Variants in LHFPL3 observed in about 807,000 individuals in gnomAD.
The protein encoded by LHFPL3 is LHFPL tetraspan subfamily member 3 protein.
Under a neutral mutation model 19.3 loss-of-function variants are expected in LHFPL3, and 5 were observed. The ratio of observed to expected loss-of-function variants is 0.26; its 90% CI spans 0.14 to 0.54. The LOEUF (loss-of-function observed/expected upper bound fraction) is 0.54, where lower values mean the gene tolerates loss of function less well. Ranked by LOEUF, LHFPL3 falls within the 20% of genes least tolerant of loss-of-function variation. LHFPL3 has a pLI of 0.94. For missense variants in LHFPL3, 249 were observed against 307.4 expected (o/e 0.81, Z 1.42); for synonymous variants, 133 against 126.2 (o/e 1.05, Z -0.36).
intron 1 of LHFPL3, among the ~76,000 whole-genome samples, chr7:104,425,510 T>C (rs928058813): frequency 3.3e-5 from 5 of 152,178 alleles, no homozygotes; most frequent in Non-Finnish European, 7.3e-5. Context: ...TTATTGCTAT[T>C]ATGATGAAGA....
chr7:104,711,080 GA>G (rs1272598796), intron 1 of LHFPL3, among the ~76,000 whole-genome samples: 2 of 152,206 alleles, frequency 1.3e-5, no homozygotes, highest in African/African-American at 4.8e-5. Flanking sequence ...AGAGATAAAG[GA>G]ACAGAATCCA....
chr7:104,839,757 A>G (rs1350585342), intron 2 of LHFPL3, among the ~76,000 whole-genome samples: 3 of 152,194 alleles, frequency 2.0e-5, no homozygotes, highest in Admixed American at 2.0e-4. Flanking sequence ...GCTTGTGAAG[A>G]TATTAAGTCT....
chr7:104,586,402 C>T (rs1394592844), intron 1 of LHFPL3, among the ~76,000 whole-genome samples: 1 of 152,048 alleles, frequency 6.6e-6, no homozygotes, highest in Non-Finnish European at 1.5e-5. Flanking sequence ...CATCTGTGTG[C>T]ACAACTTTTA....
rs898401377 is a variant in LHFPL3, at chr7:104,611,061, A to G, written c.446-125614A>G. 3.9e-5 allele frequency among the ~76,000 whole-genome samples: 6 copies of G among 152,192 alleles called. No individual in the cohort carries two copies. The East Asian group carries it at 1.2e-3, about 29-fold the overall frequency. Reference sequence around the variant, plus strand: ...GACAGGAACAGTGAGAAAACAAAGCATCTCTCAGATGTTTGAACCAGGAAA... The same window carrying G: ...GACAGGAACAGTGAGAAAACAAAGCGTCTCTCAGATGTTTGAACCAGGAAA... On this transcript the variant is annotated intron_variant, in intron 1 of 2. Coordinates refer to ENST00000424859, the MANE Select transcript of LHFPL3 (RefSeq NM_199000.3).
intron 1 of LHFPL3, among the ~76,000 whole-genome samples, chr7:104,389,445 A>G (rs773097707): frequency 2.6e-5 from 4 of 152,164 alleles, no homozygotes; most frequent in Non-Finnish European, 5.9e-5. Context: ...TGCTTCCTTA[A>G]ATAACCTACA....
intron 2 of LHFPL3, among the ~76,000 whole-genome samples, chr7:104,790,197 G>C (rs1344696087): frequency 6.6e-6 from 1 of 152,156 alleles, no homozygotes; most frequent in East Asian, 1.9e-4. Flanking sequence ...TGATATTAAA[G>C]CTTTAAGGGA....
At chr7:104,702,620 T>C (rs1793124241) in intron 1 of LHFPL3, among the ~76,000 whole-genome samples, 1 of 152,246 alleles carries the variant, frequency 6.6e-6, no homozygotes, top group Admixed American at 6.5e-5. Flanking sequence ...CCAAACAATT[T>C]GTTCCATTTC....
At chr7:104,749,690 AAC>A (rs1484305191) in intron 2 of LHFPL3, among the ~76,000 whole-genome samples, 2 of 152,290 alleles carry the variant, frequency 1.3e-5, no homozygotes, top group African/African-American at 2.4e-5. Context: ...CTGAATTACA[AAC>A]ACAGGAGAAT....
intron 1 of LHFPL3, among the ~76,000 whole-genome samples, chr7:104,631,356 C>T (rs919362621): frequency 1.3e-5 from 2 of 151,918 alleles, no homozygotes; most frequent in Non-Finnish European, 2.9e-5. Context: ...CCCCCCAACC[C>T]AACTCTACCC....
At chr7:104,348,872 A>AT (rs1372444848) in intron 1 of LHFPL3, among the ~76,000 whole-genome samples, 2 of 152,234 alleles carry the variant, frequency 1.3e-5, no homozygotes, top group Non-Finnish European at 2.9e-5. Flanking sequence ...TCCCTGCTCC[A>AT]TTTAGACATT....
chr7:104,850,715 A>T (rs1791401381), intron 2 of LHFPL3, among the ~76,000 whole-genome samples: 1 of 152,230 alleles, frequency 6.6e-6, no homozygotes, highest in South Asian at 2.1e-4. Context: ...CAGACCTGCT[A>T]AATCAGAAAC....
chr7:104,841,628 T>G (rs946602563), intron 2 of LHFPL3, among the ~76,000 whole-genome samples: 3 of 151,938 alleles, frequency 2.0e-5, no homozygotes, highest in African/African-American at 7.3e-5. Flanking sequence ...TAATCCTTCT[T>G]TGCTCCGTCT....
rs1790113145 is a variant in LHFPL3, at chr7:104,795,848, TTGAG to T, written c.682+58939_682+58942del. Among the ~76,000 whole-genome samples, 4 of 152,322 alleles carry T rather than the reference TTGAG, an allele frequency of 2.6e-5. No homozygotes were observed. In the South Asian group the frequency reaches 8.3e-4, roughly 32 times the overall value. The stretch of plus-strand genomic sequence containing the variant: ...TTGTCCCTGACTTCCCCCAAACTAC[TTGAG>T]TAAGTTACTTTGGCATAGCTTCTTA... On this transcript the variant is annotated intron_variant, in intron 2 of 2. Transcript: ENST00000424859.
chr7:104,421,938 C>A (rs1791741143), intron 1 of LHFPL3, among the ~76,000 whole-genome samples: 1 of 152,180 alleles, frequency 6.6e-6, no homozygotes, highest in Non-Finnish European at 1.5e-5. Context: ...CCAGAGACCT[C>A]TCTAGCTCTC....
At chr7:104,899,645 C>T (rs547655111) in intron 2 of LHFPL3, among the ~76,000 whole-genome samples, 1 of 152,198 alleles carries the variant, frequency 6.6e-6, no homozygotes, top group African/African-American at 2.4e-5. Flanking sequence ...AAAGCCAACA[C>T]TTTCAAAGTA....
chr7:104,731,549 C>T (rs1793705215), intron 1 of LHFPL3, among the ~76,000 whole-genome samples: 3 of 151,992 alleles, frequency 2.0e-5, no homozygotes, highest in Admixed American at 2.0e-4. Context: ...TATAAGAATG[C>T]TTGTGATTTT....
At chr7:104,576,045 C>T (rs4406342) in intron 1 of LHFPL3, among the ~76,000 whole-genome samples, 2,508 of 152,054 alleles carry the variant, frequency 0.016, 53 homozygotes, top group East Asian at 0.12. Flanking sequence ...GCCTAATTTA[C>T]GTTTGACATT....
chr7:104,561,651 G>A (rs1274137705), intron 1 of LHFPL3, among the ~76,000 whole-genome samples: 3 of 152,248 alleles, frequency 2.0e-5, no homozygotes, highest in South Asian at 2.1e-4. Context: ...GCCAGTCTGT[G>A]TCTTTTAATT....
intron 2 of LHFPL3, among the ~76,000 whole-genome samples, chr7:104,856,363 C>T (rs1791506861): frequency 6.6e-6 from 1 of 151,192 alleles, no homozygotes; most frequent in Non-Finnish European, 1.5e-5. Flanking sequence ...AATTCTCCTG[C>T]CTCAGCCTCC....
Sources: allele counts gnomAD v4.1 joint callset (sites outside exome capture counted in the v4.1 genomes callset), GRCh38; gene constraint gnomAD v4.1.1; transcripts MANE v1.5; gene names NCBI Gene and HGNC (gene_info 2026-07-23, HGNC 2026-07-21).